Variants in DPH6 observed in about 807,000 individuals in gnomAD.
The protein encoded by DPH6 is diphthamine biosynthesis 6, also known as diphthine--ammonia ligase.
In DPH6, 33 loss-of-function variants were observed where a neutral mutation model predicts 38.2. The observed-to-expected ratio is 0.86, with a 90% CI of 0.65 to 1.15. The LOEUF (loss-of-function observed/expected upper bound fraction) is 1.15, where lower values mean the gene tolerates loss of function less well. Ranked by LOEUF, DPH6 falls within the 50% of genes most tolerant of loss-of-function variation. DPH6 has a pLI of 0.00. For synonymous variants in DPH6, 108 were observed against 103.0 expected, an observed-to-expected ratio of 1.05 and a Z score of -0.30; for missense variants, 325 against 320.0, an observed-to-expected ratio of 1.02 and a Z score of -0.12.
chr15:35,285,872 G>GTTTTTTT (rs67243158), intron 3 of DPH6, among the ~76,000 whole-genome samples: 1,006 of 52,798 alleles, frequency 0.019, 263 homozygotes, highest in Admixed American at 0.026. Flanking sequence ...TTATCTTTGA[G>GTTTTTTT]TTTTTTTTTT....
chr15:35,340,467 T>C lies in DPH6; in HGVS notation n.208-9390A>G, dbSNP rs1262695368. On this transcript the variant is annotated intron_variant and non_coding_transcript_variant, in intron 3 of 3. Transcript: ENST00000558973. Reference sequence around the variant, plus strand: ...CAGGCTTGTTTATGTGGTTGCTTCATAGTGTCACTAGTCTGTGTACTTCAT... The same window carrying C: ...CAGGCTTGTTTATGTGGTTGCTTCACAGTGTCACTAGTCTGTGTACTTCAT... Among the ~76,000 whole-genome samples the C allele has an allele frequency of 3.9e-5, 6 of 152,228 alleles. No homozygotes were observed. In the South Asian group the frequency reaches 1.2e-3, roughly 32 times the overall value.
intron 3 of DPH6, chr15:35,521,864 T>C: frequency 7.4e-7 from 1 of 1,358,514 alleles, no homozygotes; most frequent in South Asian, 2.1e-5. Flanking sequence ...TTAGCAGTCA[T>C]TAATGTTAAT....
At chr15:35,330,065 T>A (rs2052315479), downstream of DPH6, among the ~76,000 whole-genome samples, 1 of 152,178 alleles carries the variant, frequency 6.6e-6, no homozygotes, top group Non-Finnish European at 1.5e-5. Context: ...CACTAAACAC[T>A]ATGTTTTAAT....
chr15:35,159,755 T>G, the DPH6 span, among the ~76,000 whole-genome samples: 7 of 151,988 alleles, frequency 4.6e-5, no homozygotes, highest in African/African-American at 1.7e-4. Context: ...CATGCATCTG[T>G]ATGCTCATCC....
At chr15:35,315,810 C>T (rs188140341) in intron 3 of DPH6, among the ~76,000 whole-genome samples, 9 of 152,026 alleles carry the variant, frequency 5.9e-5, no homozygotes, top group Admixed American at 1.3e-4. Context: ...AACAGATGAA[C>T]GGATAAAGAA....
At position 35,398,154 on chromosome 15, in the gene DPH6, A is replaced by G. The variant is rs72703179; in HGVS notation, c.567+12681T>C. On this transcript the variant is annotated intron_variant, in intron 6 of 8. Transcript: ENST00000256538. ...CAATACTCTTGTAGATAGGAGTGCC[A>G]GGAGAATCTTTTGTTCTAACATTTG... Among the ~76,000 whole-genome samples the G allele has an allele frequency of 1.7e-3, 264 of 152,276 alleles. 1 individual carries two copies. The highest frequency in any genetic ancestry group is 5.0e-3 in the East Asian group (26 of 5,178).
At chr15:35,170,181 A>G in the DPH6 span, among the ~76,000 whole-genome samples, 2 of 152,358 alleles carry the variant, frequency 1.3e-5, no homozygotes, top group African/African-American at 4.8e-5. Flanking sequence ...TTTGGCTTGG[A>G]AAGAGTGAGA....
the DPH6 span, among the ~76,000 whole-genome samples, chr15:35,148,786 T>G: frequency 2.0e-5 from 3 of 152,246 alleles, no homozygotes; most frequent in Admixed American, 2.0e-4. Context: ...CTGTCCTTTC[T>G]CAATAAGTAA....
chr15:35,522,326 G>C (rs2054934426), intron 3 of DPH6: 1 of 1,577,702 alleles, frequency 6.3e-7, no homozygotes, highest in Non-Finnish European at 8.6e-7. Flanking sequence ...GTTTAGGATT[G>C]ACCAGAAAAA....
intron 3 of DPH6, among the ~76,000 whole-genome samples, chr15:35,505,471 C>T (rs947613228): frequency 6.6e-5 from 10 of 152,010 alleles, no homozygotes; most frequent in African/African-American, 2.2e-4. Context: ...TTAAATTTGT[C>T]TTATTTCTTT....
At chr15:35,454,694 C>T in intron 4 of DPH6, 53 bp downstream of exon 4, 1 of 1,430,166 alleles carries the variant, frequency 7.0e-7, no homozygotes. Context: ...TTCACTTATT[C>T]ACATTCTTAA....
chr15:35,180,406 C>G, the DPH6 span, among the ~76,000 whole-genome samples: 1 of 92,812 alleles, frequency 1.1e-5, no homozygotes, highest in Non-Finnish European at 2.5e-5. Flanking sequence ...CACACACACA[C>G]ACACACACAC....
intron 3 of DPH6, among the ~76,000 whole-genome samples, chr15:35,234,450 T>C (rs1347730896): frequency 6.6e-6 from 1 of 152,220 alleles, no homozygotes; most frequent in African/African-American, 2.4e-5. Context: ...AGCTCAAACA[T>C]TACCATGTCT....
At chr15:35,247,677 CAAAGAT>C (rs1289240173) in intron 3 of DPH6, among the ~76,000 whole-genome samples, 1 of 152,190 alleles carries the variant, frequency 6.6e-6, no homozygotes, top group South Asian at 2.1e-4. Flanking sequence ...CCCCTATACT[CAAAGAT>C]AAAGTAACAT....
chr15:35,182,409 G>C, the DPH6 span, among the ~76,000 whole-genome samples: 1 of 151,988 alleles, frequency 6.6e-6, no homozygotes, highest in East Asian at 1.9e-4. Context: ...GGATAGGTTT[G>C]TGAGCTTAAT....
intron 3 of DPH6, among the ~76,000 whole-genome samples, chr15:35,286,721 T>C (rs1226964740): frequency 6.6e-6 from 1 of 152,230 alleles, no homozygotes; most frequent in Non-Finnish European, 1.5e-5. Flanking sequence ...CCTTAGTTTA[T>C]TAAAATTTTT....
intron 5 of DPH6, among the ~76,000 whole-genome samples, chr15:35,429,653 G>T: frequency 6.6e-6 from 1 of 151,954 alleles, no homozygotes; most frequent in Non-Finnish European, 1.5e-5. Context: ...TAAGTCATTT[G>T]TTTTATCTTA....
intron 3 of DPH6, among the ~76,000 whole-genome samples, chr15:35,299,798 G>C (rs1380645813): frequency 6.6e-6 from 1 of 152,198 alleles, no homozygotes; most frequent in Non-Finnish European, 1.5e-5. Context: ...GTATTTAGCA[G>C]AATCTGAAAG....
At chr15:35,342,317 G>C (rs1323266492) in intron 3 of DPH6, among the ~76,000 whole-genome samples, 1 of 152,172 alleles carries the variant, frequency 6.6e-6, no homozygotes, top group Non-Finnish European at 1.5e-5. Context: ...GGCTCACAAG[G>C]AGATCTCCTG....
Sources: gnomAD v4.1 joint callset for allele counts (sites outside exome capture counted in the v4.1 genomes callset) on GRCh38, gnomAD v4.1.1 for gene constraint, MANE v1.5 for transcripts, NCBI Gene and HGNC (gene_info 2026-07-23, HGNC 2026-07-21) for gene names.